GPC5: variants seen among roughly 807,000 people sequenced by gnomAD.
GPC5 encodes the protein glypican-5.
A neutral mutation model predicts 53.9 loss-of-function variants in GPC5; 47 were observed. The ratio of observed to expected loss-of-function variants is 0.87; its 90% CI spans 0.69 to 1.11. The LOEUF (loss-of-function observed/expected upper bound fraction) is 1.11, where lower values mean the gene tolerates loss of function less well. Ranked by LOEUF, GPC5 falls within the 50% of genes most tolerant of loss-of-function variation. GPC5 has a pLI of 0.00. For synonymous variants in GPC5, 286 were observed against 263.3 expected (o/e 1.09, Z -0.84); for missense variants, 748 against 713.1 (o/e 1.05, Z -0.56).
At chr13:91,622,112 C>T (rs995821693) in intron 2 of GPC5, among the ~76,000 whole-genome samples, 7 of 152,052 alleles carry the variant, frequency 4.6e-5, no homozygotes, top group Non-Finnish European at 5.9e-5. Context: ...TCTAGCCACC[C>T]TGGCAACTGA....
chr13:92,811,297 C>T (rs1877290837), intron 7 of GPC5, among the ~76,000 whole-genome samples: 1 of 151,970 alleles, frequency 6.6e-6, no homozygotes, highest in Non-Finnish European at 1.5e-5. Flanking sequence ...CACCAATTTA[C>T]ATTCCCAGGA....
At chr13:92,098,513 G>T (rs1327853102) in intron 6 of GPC5, among the ~76,000 whole-genome samples, 1 of 152,100 alleles carries the variant, frequency 6.6e-6, no homozygotes, top group Non-Finnish European at 1.5e-5. Context: ...ATAGAATTAA[G>T]GTATTTCATA....
chr13:92,585,024 G>C (rs899085684), intron 7 of GPC5, among the ~76,000 whole-genome samples: 9 of 152,242 alleles, frequency 5.9e-5, no homozygotes, highest in African/African-American at 2.2e-4. Flanking sequence ...AGGGGGTAAG[G>C]GGGGGCTCAT....
At chr13:92,495,667 TAGG>T (rs1879949680) in intron 7 of GPC5, among the ~76,000 whole-genome samples, 1 of 151,442 alleles carries the variant, frequency 6.6e-6, no homozygotes, top group Non-Finnish European at 1.5e-5. Context: ...TAACAGATTC[TAGG>T]AGATGTCTTC....
At chr13:91,826,900 A>T (rs915593686) in intron 5 of GPC5, among the ~76,000 whole-genome samples, 8 of 152,036 alleles carry the variant, frequency 5.3e-5, no homozygotes, top group Non-Finnish European at 8.8e-5. Flanking sequence ...TACAAAATTT[A>T]AGAGTGGAAA....
At chr13:92,484,454 T>C (rs1879478070) in intron 7 of GPC5, among the ~76,000 whole-genome samples, 1 of 152,190 alleles carries the variant, frequency 6.6e-6, no homozygotes, top group African/African-American at 2.4e-5. Flanking sequence ...TACATAATCA[T>C]GTAGGCTATA....
At chr13:91,482,309 T>C (rs1299808534) in intron 2 of GPC5, among the ~76,000 whole-genome samples, 9 of 152,162 alleles carry the variant, frequency 5.9e-5, no homozygotes, top group Non-Finnish European at 4.4e-5. Flanking sequence ...AGGTACCATC[T>C]TGGAATCAGA....
chr13:91,592,931 C>T (rs940798950), intron 2 of GPC5, among the ~76,000 whole-genome samples: 5 of 152,216 alleles, frequency 3.3e-5, no homozygotes, highest in Non-Finnish European at 7.3e-5. Flanking sequence ...TGAGGCAAGA[C>T]ATTCTCAGAG....
chr13:91,477,947 G>C (rs995875647), intron 2 of GPC5, among the ~76,000 whole-genome samples: 1 of 152,146 alleles, frequency 6.6e-6, no homozygotes, highest in Non-Finnish European at 1.5e-5. Context: ...AAGTGGGAAA[G>C]TAGATGGTCA....
intron 7 of GPC5, among the ~76,000 whole-genome samples, chr13:92,825,848 T>A (rs933285362): frequency 1.3e-5 from 2 of 152,130 alleles, no homozygotes; most frequent in African/African-American, 4.8e-5. Context: ...TTTCATACCC[T>A]TTTTACTCAA....
At chr13:92,223,621 T>C (rs896079908) in intron 7 of GPC5, among the ~76,000 whole-genome samples, 1 of 150,906 alleles carries the variant, frequency 6.6e-6, no homozygotes, top group Admixed American at 6.6e-5. Flanking sequence ...CCTCATTGAT[T>C]TTTTTTTTTC....
chr13:92,704,915 TTA>T (rs1409502569), intron 7 of GPC5, among the ~76,000 whole-genome samples: 1 of 151,412 alleles, frequency 6.6e-6, no homozygotes, highest in Non-Finnish European at 1.5e-5. Flanking sequence ...ATATATACAC[TTA>T]TATGGATATA....
At chr13:92,552,659 A>G (rs1474633310) in intron 7 of GPC5, among the ~76,000 whole-genome samples, 11 of 151,902 alleles carry the variant, frequency 7.2e-5, no homozygotes, top group Non-Finnish European at 1.2e-4. Context: ...TTCTCCACTC[A>G]GTGATCTCTC....
chr13:91,552,962 GC>G (rs1234521733), intron 2 of GPC5, among the ~76,000 whole-genome samples: 1 of 152,018 alleles, frequency 6.6e-6, no homozygotes, highest in Non-Finnish European at 1.5e-5. Context: ...TAAAGTTGAG[GC>G]ATGGTATTAA....
chr13:92,314,055 G>A (rs1251126065), intron 7 of GPC5, among the ~76,000 whole-genome samples: 2 of 152,210 alleles, frequency 1.3e-5, no homozygotes, highest in Non-Finnish European at 2.9e-5. Context: ...TGAAATAATG[G>A]AGGTTCACAG....
intron 6 of GPC5, among the ~76,000 whole-genome samples, chr13:92,006,256 C>T (rs2040605773): frequency 6.6e-6 from 1 of 151,986 alleles, no homozygotes; most frequent in East Asian, 1.9e-4. Flanking sequence ...GAAAAATGTA[C>T]CAAAATAATT....
chr13:92,450,205 C>A (rs1438886606), intron 7 of GPC5, among the ~76,000 whole-genome samples: 1 of 152,062 alleles, frequency 6.6e-6, no homozygotes, highest in Non-Finnish European at 1.5e-5. Flanking sequence ...CTATCTCCCA[C>A]GCCAGCAACA....
intron 7 of GPC5, among the ~76,000 whole-genome samples, chr13:92,460,915 T>A (rs759001785): frequency 6.6e-6 from 1 of 152,178 alleles, no homozygotes; most frequent in African/African-American, 2.4e-5. Context: ...GTAGGAGGTA[T>A]GAGTTGTATT....
At chr13:91,421,876 C>T (rs1316059091) in intron 1 of GPC5, among the ~76,000 whole-genome samples, 1 of 152,186 alleles carries the variant, frequency 6.6e-6, no homozygotes, top group Non-Finnish European at 1.5e-5. Context: ...AGTATATGTA[C>T]TCTAACAAGG....
Sources: gnomAD v4.1 joint callset for allele counts (sites outside exome capture counted in the v4.1 genomes callset) on GRCh38, gnomAD v4.1.1 for gene constraint, MANE v1.5 for transcripts, NCBI Gene and HGNC (gene_info 2026-07-23, HGNC 2026-07-21) for gene names.